Variants in KCNIP1 observed in about 807,000 individuals in gnomAD.
KCNIP1 encodes the protein A-type potassium channel modulatory protein KCNIP1.
In KCNIP1, 18 loss-of-function variants were observed where a neutral mutation model predicts 33.0. That is an observed-to-expected ratio of 0.55 (90% CI 0.38 to 0.81). The LOEUF (loss-of-function observed/expected upper bound fraction) is 0.81. Ranked by LOEUF, KCNIP1 falls within the 30% of genes least tolerant of loss-of-function variation. The probability of loss-of-function intolerance (pLI) is 0.00; values close to 1 mark genes in which losing one functional copy is unlikely to be tolerated. For synonymous variants in KCNIP1, 93 were observed against 98.3 expected, an observed-to-expected ratio of 0.95 and a Z score of 0.32; for missense variants, 238 against 271.6, an observed-to-expected ratio of 0.88 and a Z score of 0.87.
intron 1 of KCNIP1, among the ~76,000 whole-genome samples, chr5:170,479,389 A>G (rs1756925095): frequency 6.6e-6 from 1 of 151,996 alleles, no homozygotes; most frequent in South Asian, 2.1e-4. Context: ...ACTAATTTCT[A>G]TTTTTTTCCA....
At position 170,736,006 on chromosome 5, in the gene KCNIP1, TTTC is replaced by T. The variant is rs1764375984; in HGVS notation, c.*209_*211del. 1 of 568,214 alleles carries T rather than the reference TTTC, an allele frequency of 1.8e-6. No individual in the cohort carries two copies. Among genetic ancestry groups the T allele is most frequent in the Non-Finnish European group, 3.1e-6 (1 of 319,520 alleles). 35.2% of individuals were successfully genotyped at this position (568,214 alleles called of 1,614,324 possible). ...AGTCTCTGATTGCCAACTCTTCCTCTTTCTTCTTCTTGAGAGAGACAAGATGAA... is the reference window on the plus strand; with the variant it reads ...AGTCTCTGATTGCCAACTCTTCCTCTTTCTTCTTGAGAGAGACAAGATGAA... On this transcript the variant is annotated 3_prime_UTR_variant, in exon 8 of 8. Transcript: ENST00000328939.
intron 1 of KCNIP1, among the ~76,000 whole-genome samples, chr5:170,649,169 T>A (rs1012587856): frequency 2.0e-5 from 3 of 152,132 alleles, no homozygotes; most frequent in Admixed American, 6.5e-5. Flanking sequence ...CCCTAAAAAA[T>A]TATTGTTGAA....
chr5:170,707,118 T>G (rs1763281280), intron 1 of KCNIP1, among the ~76,000 whole-genome samples: 1 of 143,232 alleles, frequency 7.0e-6, no homozygotes, highest in African/African-American at 2.6e-5. Flanking sequence ...AATTGCCTCC[T>G]AGAGCTGCAG....
At chr5:170,444,580 T>C (rs1197963867) in intron 1 of KCNIP1, among the ~76,000 whole-genome samples, 1 of 152,142 alleles carries the variant, frequency 6.6e-6, no homozygotes, top group African/African-American at 2.4e-5. Flanking sequence ...GGCCACTGTT[T>C]TGCCTACCAC....
intron 1 of KCNIP1, chr5:170,561,017 G>T: frequency 2.3e-6 from 1 of 440,786 alleles, no homozygotes; most frequent in Non-Finnish European, 4.5e-6. Flanking sequence ...GACAAGGAGG[G>T]CATCCGTGCC....
intron 4 of KCNIP1, 149 bp from the exon 5 acceptor site, chr5:170,722,564 C>CT (rs1763864154): frequency 3.0e-6 from 2 of 663,438 alleles, no homozygotes; most frequent in Non-Finnish European, 5.4e-6. Context: ...GGCAGGAGCT[C>CT]TTCACAGAGC....
chr5:170,374,460 A>C (rs314150), intron 1 of KCNIP1, among the ~76,000 whole-genome samples: 49,501 of 151,972 alleles, frequency 0.33, 8,551 homozygotes, highest in African/African-American at 0.44. Flanking sequence ...TGATGAGCTG[A>C]AGCTCTGTCT....
At chr5:170,473,684 G>A (rs1033516431) in intron 1 of KCNIP1, among the ~76,000 whole-genome samples, 1 of 152,090 alleles carries the variant, frequency 6.6e-6, no homozygotes, top group Non-Finnish European at 1.5e-5. Flanking sequence ...TCTTCCAAGG[G>A]GACAGACTGA....
chr5:170,385,387 C>CA (rs749734917), intron 1 of KCNIP1: 15 of 1,614,148 alleles, frequency 9.3e-6, no homozygotes, highest in Non-Finnish European at 1.3e-5. Context: ...ACCATGGTTA[C>CA]ACCCAGGCAA....
At chr5:170,412,645 C>G (rs762628603) in intron 1 of KCNIP1, among the ~76,000 whole-genome samples, 3 of 152,144 alleles carry the variant, frequency 2.0e-5, no homozygotes, top group Admixed American at 6.5e-5. Context: ...CCTTGCAGTG[C>G]TGTCTTGGGT....
intron 1 of KCNIP1, among the ~76,000 whole-genome samples, chr5:170,476,089 G>T (rs569379379): frequency 1.3e-5 from 2 of 151,918 alleles, no homozygotes; most frequent in South Asian, 2.1e-4. Context: ...TCCCACCTCA[G>T]CCTCCTGACT....
intron 1 of KCNIP1, among the ~76,000 whole-genome samples, chr5:170,451,178 T>G (rs1756240295): frequency 6.6e-6 from 1 of 152,206 alleles, no homozygotes; most frequent in Non-Finnish European, 1.5e-5. Flanking sequence ...TTCGTAGTCA[T>G]GTCTAAACGC....
At chr5:170,513,579 A>G (rs921503243) in intron 1 of KCNIP1, among the ~76,000 whole-genome samples, 1 of 152,248 alleles carries the variant, frequency 6.6e-6, no homozygotes, top group African/African-American at 2.4e-5. Flanking sequence ...GTTTTCTGCT[A>G]CCTGAAGAAA....
chr5:170,625,840 G>A (rs1320160094), intron 1 of KCNIP1, among the ~76,000 whole-genome samples: 3 of 152,194 alleles, frequency 2.0e-5, no homozygotes, highest in Non-Finnish European at 4.4e-5. Flanking sequence ...TAAGTGGGAT[G>A]GGGACTGGGC....
intron 1 of KCNIP1, among the ~76,000 whole-genome samples, chr5:170,627,412 C>T (rs1005081341): frequency 2.0e-5 from 3 of 152,270 alleles, no homozygotes; most frequent in East Asian, 3.8e-4. Context: ...CCTGACCCCA[C>T]ACCTGCCAAT....
chr5:170,719,887 A>C (rs774561036), intron 2 of KCNIP1, among the ~76,000 whole-genome samples: 1 of 149,946 alleles, frequency 6.7e-6, no homozygotes, highest in Non-Finnish European at 1.5e-5. Flanking sequence ...GCTCAGAGGG[A>C]ACAGCATCCA....
At chr5:170,714,104 G>T (rs958131358) in intron 1 of KCNIP1, among the ~76,000 whole-genome samples, 9 of 152,104 alleles carry the variant, frequency 5.9e-5, no homozygotes, top group African/African-American at 2.2e-4. Flanking sequence ...GGCCAGTCCA[G>T]GGAGGAGATG....
chr5:170,645,100 T>G (rs367631519), intron 1 of KCNIP1, among the ~76,000 whole-genome samples: 1 of 119,308 alleles, frequency 8.4e-6, no homozygotes, highest in African/African-American at 3.2e-5. Flanking sequence ...AAGTGTGTGC[T>G]TCTCAGAAAA....
At chr5:170,355,227 G>C (rs968068123) in intron 1 of KCNIP1, among the ~76,000 whole-genome samples, 2 of 152,206 alleles carry the variant, frequency 1.3e-5, no homozygotes, top group African/African-American at 4.8e-5. Flanking sequence ...CAATGTGGAG[G>C]GCCAGGCTGC....
Sources: allele counts gnomAD v4.1 joint callset (sites outside exome capture counted in the v4.1 genomes callset), GRCh38; gene constraint gnomAD v4.1.1; transcripts MANE v1.5; gene names NCBI Gene and HGNC (gene_info 2026-07-23, HGNC 2026-07-21).